Variants in SLC17A1 observed in about 807,000 individuals in gnomAD.
The protein encoded by SLC17A1 is solute carrier family 17 member 1.
Under a neutral mutation model 53.5 loss-of-function variants are expected in SLC17A1, and 51 were observed. The observed-to-expected ratio is 0.95, with a 90% CI of 0.76 to 1.20. SLC17A1 has a LOEUF of 1.20. SLC17A1 is among the 50% of genes most tolerant of loss of function. The pLI is 0.00. For synonymous variants in SLC17A1, 179 were observed against 198.8 expected, an observed-to-expected ratio of 0.90 and a Z score of 0.84; for missense variants, 538 against 568.2, an observed-to-expected ratio of 0.95 and a Z score of 0.54.
the SLC17A1 span, chr6:25,727,329 C>CT: frequency 2.0e-5 from 30 of 1,531,480 alleles, no homozygotes; most frequent in Admixed American, 5.3e-4. Context: ...CCCAAAGGCT[C>CT]TTTTCAGAGC....
At chr6:25,806,035 G>T (rs1371472121) in intron 10 of SLC17A1, among the ~76,000 whole-genome samples, 1 of 151,998 alleles carries the variant, frequency 6.6e-6, no homozygotes, top group Non-Finnish European at 1.5e-5. Flanking sequence ...TATGAAGCCA[G>T]TATCACCCTG....
the SLC17A1 span, chr6:25,726,527 TCTC>T: frequency 1.9e-6 from 3 of 1,603,270 alleles, no homozygotes; most frequent in African/African-American, 1.3e-5. Flanking sequence ...CGTCCAGACA[TCTC>T]CTCGCATCAA....
intron 2 of SLC17A1, among the ~76,000 whole-genome samples, chr6:25,827,355 G>A (rs1003829167): frequency 1.3e-5 from 2 of 152,044 alleles, no homozygotes; most frequent in Non-Finnish European, 2.9e-5. Context: ...ACATATCATG[G>A]TATGTTAATA....
At chr6:25,766,358 G>A in the SLC17A1 span, among the ~76,000 whole-genome samples, 1 of 152,070 alleles carries the variant, frequency 6.6e-6, no homozygotes, top group South Asian at 2.1e-4. Flanking sequence ...AGAGGAAAAT[G>A]CCTATTTATC....
chr6:25,802,676 A>T (rs1192176873), intron 10 of SLC17A1, among the ~76,000 whole-genome samples: 3 of 151,996 alleles, frequency 2.0e-5, no homozygotes, highest in African/African-American at 4.8e-5. Context: ...CATTTTAGAG[A>T]TATCAATTGA....
chr6:25,724,633 A>G, the SLC17A1 span, among the ~76,000 whole-genome samples: 2 of 152,246 alleles, frequency 1.3e-5, no homozygotes, highest in Non-Finnish European at 2.9e-5. Context: ...GTTCTCTTCT[A>G]TAAAGTCAAG....
chr6:25,796,590 A>G (rs992333565), intron 12 of SLC17A1, among the ~76,000 whole-genome samples: 1 of 152,150 alleles, frequency 6.6e-6, no homozygotes, highest in Admixed American at 6.5e-5. Context: ...TGGGCAACAG[A>G]GTGAGATCCT....
chr6:25,769,094 C>T, the SLC17A1 span: 2 of 1,614,054 alleles, frequency 1.2e-6, no homozygotes, highest in Non-Finnish European at 1.7e-6. Flanking sequence ...TGGTGAACAA[C>T]ACAGCCCCAC....
chr6:25,813,295 A>G, intron 6 of SLC17A1, 82 bp from the exon 7 acceptor site: 1 of 1,132,102 alleles, frequency 8.8e-7, no homozygotes. Flanking sequence ...TCAATGTATC[A>G]GTCTGAGAAA....
chr6:25,726,972 A>AT, the SLC17A1 span: 2 of 1,614,078 alleles, frequency 1.2e-6, no homozygotes, highest in African/African-American at 1.3e-5. Flanking sequence ...AGCTGTCGTT[A>AT]AGACCCAGAA....
the SLC17A1 span, chr6:25,770,258 G>T: frequency 6.2e-7 from 1 of 1,614,078 alleles, no homozygotes; most frequent in Non-Finnish European, 8.5e-7. Flanking sequence ...ATGCGGGAGT[G>T]GCCTTGCTCA....
At chr6:25,825,343 G>A (rs1764704391) in intron 3 of SLC17A1, among the ~76,000 whole-genome samples, 1 of 111,362 alleles carries the variant, frequency 9.0e-6, no homozygotes, top group African/African-American at 3.8e-5. Context: ...AGACAATAAA[G>A]GCTTTCTCAA....
the SLC17A1 span, among the ~76,000 whole-genome samples, chr6:25,775,234 A>T: frequency 6.6e-6 from 1 of 151,580 alleles, no homozygotes; most frequent in African/African-American, 2.4e-5. Flanking sequence ...TAGGAGGCTG[A>T]GGCATGAGAA....
intron 10 of SLC17A1, among the ~76,000 whole-genome samples, chr6:25,804,871 C>G (rs1763901464): frequency 6.6e-6 from 1 of 151,990 alleles, no homozygotes; most frequent in Non-Finnish European, 1.5e-5. Context: ...ATTGGAGCTC[C>G]AAGATTTATT....
At chr6:25,795,751 ACAC>A in intron 12 of SLC17A1, among the ~76,000 whole-genome samples, 1 of 152,052 alleles carries the variant, frequency 6.6e-6, no homozygotes, top group African/African-American at 2.4e-5. Context: ...GCACACACCC[ACAC>A]CCACACCCAC....
the SLC17A1 span, among the ~76,000 whole-genome samples, chr6:25,756,444 T>A: frequency 1.6e-4 from 25 of 152,162 alleles, no homozygotes; most frequent in African/African-American, 6.0e-4. Context: ...AATGACCTAG[T>A]TGCTGTCAAT....
intron 12 of SLC17A1, among the ~76,000 whole-genome samples, chr6:25,791,859 T>C (rs566529598): frequency 6.6e-6 from 1 of 152,376 alleles, no homozygotes; most frequent in Non-Finnish European, 1.5e-5. Flanking sequence ...CGAGTCCATT[T>C]GCAGGTGCAA....
At chr6:25,743,400 A>T in the SLC17A1 span, among the ~76,000 whole-genome samples, 1 of 152,194 alleles carries the variant, frequency 6.6e-6, no homozygotes, top group Non-Finnish European at 1.5e-5. Flanking sequence ...TCTTTATGAG[A>T]TGCCTTCTAT....
the SLC17A1 span, among the ~76,000 whole-genome samples, chr6:25,748,718 T>C: frequency 2.0e-5 from 3 of 152,134 alleles, no homozygotes; most frequent in Admixed American, 6.5e-5. Context: ...AGCAGGGTGA[T>C]AGTGGGGAGA....
Sources: allele counts gnomAD v4.1 joint callset (sites outside exome capture counted in the v4.1 genomes callset), GRCh38; gene constraint gnomAD v4.1.1; transcripts MANE v1.5; gene names NCBI Gene and HGNC (gene_info 2026-07-23, HGNC 2026-07-21).